The following CLMN variants were observed in gnomAD, a reference collection of about 807,000 sequenced individuals.
The protein encoded by CLMN is calmin, also known as calmin (calponin-like, transmembrane).
CLMN carries 57 observed loss-of-function variants against 92.7 expected under a neutral mutation model. That is an observed-to-expected ratio of 0.61 (90% CI 0.50 to 0.77). The LOEUF is 0.77. CLMN is among the 30% of genes least tolerant of loss of function. The pLI is 0.00. For synonymous variants in CLMN, 466 were observed against 470.6 expected, an observed-to-expected ratio of 0.99 and a Z score of 0.13; for missense variants, 1,158 against 1,237.5, an observed-to-expected ratio of 0.94 and a Z score of 0.96.
intron 1 of CLMN, among the ~76,000 whole-genome samples, chr14:95,273,108 G>A (rs567952893): frequency 1.1e-4 from 17 of 152,214 alleles, no homozygotes; most frequent in South Asian, 4.1e-4. Flanking sequence ...GCTGATCCAC[G>A]GACAGTGAGG....
At chr14:95,232,029 T>C (rs1897905025) in intron 1 of CLMN, among the ~76,000 whole-genome samples, 1 of 152,276 alleles carries the variant, frequency 6.6e-6, no homozygotes, top group Admixed American at 6.5e-5. Context: ...ATTTCTGTTT[T>C]ACAGATGAAG....
chr14:95,245,229 ATATATATATTAT>A, intron 1 of CLMN, among the ~76,000 whole-genome samples: 3 of 35,820 alleles, frequency 8.4e-5, no homozygotes, highest in African/African-American at 5.3e-4. Context: ...TATATATTAT[ATATATATATTAT>A]ATATATATAT....
At chr14:95,299,899 G>A (rs1392226861) in intron 1 of CLMN, among the ~76,000 whole-genome samples, 1 of 152,166 alleles carries the variant, frequency 6.6e-6, no homozygotes, top group Non-Finnish European at 1.5e-5. Context: ...CAGGAGTTTG[G>A]GGGGACCCAG....
At chr14:95,230,711 G>A (rs116327592) in intron 1 of CLMN, among the ~76,000 whole-genome samples, 2,515 of 152,316 alleles carry the variant, frequency 0.017, 62 homozygotes, top group African/African-American at 0.057. Flanking sequence ...AGGATGAGGA[G>A]CTCACTCTCC....
At position 95,194,565 on chromosome 14, in the gene CLMN, G is replaced by T. The variant is rs778660052; in HGVS notation, c.2740C>A (p.Arg914=). Residue 914 remains arginine, a synonymous_variant, in exon 11 of 13, where the codon CGA becomes AGA. Coordinates refer to ENST00000298912, the MANE Select transcript of CLMN (RefSeq NM_024734.4). The surrounding 1 kb of genome is among the most constrained non-coding windows in gnomAD (Gnocchi z 4.0). ...TCCGAAGACCTATGAGTATGTCGTC[G>T]AAGGTAAATGCTGGAGTCACTGTGA... ...TSHSDSSIYL[R]RHTHRSSESD... is the part of the protein sequence containing the mutation. 6.2e-7 allele frequency: 1 copy of T among 1,614,152 alleles called. No homozygotes were observed. The highest frequency in any genetic ancestry group is 1.1e-5 in the South Asian group (1 of 91,082).
At chr14:95,262,343 C>T (rs1052889117) in intron 1 of CLMN, among the ~76,000 whole-genome samples, 3 of 152,090 alleles carry the variant, frequency 2.0e-5, no homozygotes, top group African/African-American at 4.8e-5. Flanking sequence ...TTCCCAGTGA[C>T]CAGAGGACAA....
intron 9 of CLMN, among the ~76,000 whole-genome samples, chr14:95,202,494 G>T (rs1896912109): frequency 6.6e-6 from 1 of 152,154 alleles, no homozygotes; most frequent in Admixed American, 6.5e-5. Flanking sequence ...TTCAACCCTT[G>T]CCCTGTGACA....
intron 1 of CLMN, among the ~76,000 whole-genome samples, chr14:95,270,482 A>C (rs1051586905): frequency 4.6e-5 from 7 of 152,232 alleles, no homozygotes; most frequent in African/African-American, 1.7e-4. Context: ...AAACACTAAT[A>C]GACCTTCTAG....
Position 95,264,799 on chromosome 14 carries a change from G to A in CLMN, c.83-34666C>T, listed in dbSNP as rs115864426. On this transcript the variant is annotated intron_variant, in intron 1 of 12. Transcript: ENST00000298912. ...CTAAATCACACTTTGAAGGCTGGGC[G>A]CAGTGGCTCACACCTATAATCCCAG... Among the ~76,000 whole-genome samples the A allele has an allele frequency of 4.6e-3, 697 of 152,138 alleles. 4 individuals carry two copies. Among genetic ancestry groups the A allele is most frequent in the African/African-American group, 0.016 (661 of 41,480 alleles).
Position 95,203,646 on chromosome 14 carries a change from C to G in CLMN, c.1703G>C (p.Ser568Thr). Residue 568 changes from serine (S) to threonine (T), a missense_variant, in exon 9 of 13, where the codon AGC becomes ACC. Coordinates refer to ENST00000298912, the MANE Select transcript of CLMN (RefSeq NM_024734.4). ...GGTAGAAGCAAAATCTATTAGGTCGCTGTTAAATTTTGAGGCTTTTAATGG... is the reference window on the plus strand; with the variant it reads ...GGTAGAAGCAAAATCTATTAGGTCGGTGTTAAATTTTGAGGCTTTTAATGG... ...AIPLKASKFN[S>T]DLIDFASTSQ... 3 of 1,614,160 alleles carry G rather than the reference C, an allele frequency of 1.9e-6. No homozygotes were observed. The highest frequency in any genetic ancestry group is 2.5e-6 in the Non-Finnish European group (3 of 1,180,034).
intron 1 of CLMN, among the ~76,000 whole-genome samples, chr14:95,254,023 A>AT (rs763873743): frequency 6.6e-6 from 1 of 152,124 alleles, no homozygotes; most frequent in East Asian, 1.9e-4. Flanking sequence ...AATTCTACCC[A>AT]TGGGCAGATC....
At chr14:95,227,545 G>A (rs1030102192) in intron 2 of CLMN, among the ~76,000 whole-genome samples, 6 of 152,200 alleles carry the variant, frequency 3.9e-5, no homozygotes, top group Non-Finnish European at 5.9e-5. Flanking sequence ...TACCAGCCCC[G>A]GCCGTGGCCA....
At chr14:95,273,285 G>T (rs1387927040) in intron 1 of CLMN, among the ~76,000 whole-genome samples, 1 of 152,174 alleles carries the variant, frequency 6.6e-6, no homozygotes, top group Non-Finnish European at 1.5e-5. Flanking sequence ...GCTCTGGGGA[G>T]ATTCCTGCTC....
intron 1 of CLMN, among the ~76,000 whole-genome samples, chr14:95,290,915 T>A (rs895444043): frequency 6.6e-6 from 1 of 152,124 alleles, no homozygotes; most frequent in Non-Finnish European, 1.5e-5. Context: ...CGACGCAGAA[T>A]AACTAATAAT....
At chr14:95,242,237 CTTTTTTCTTTTTCTTT>C (rs1898271192) in intron 1 of CLMN, among the ~76,000 whole-genome samples, 1 of 113,546 alleles carries the variant, frequency 8.8e-6, no homozygotes, top group Non-Finnish European at 2.0e-5. Context: ...CATTTCTTTT[CTTTTTTCTTTTTCTTT>C]TTTTTTTTTT....
intron 9 of CLMN, among the ~76,000 whole-genome samples, chr14:95,197,853 T>C (rs934975647): frequency 4.6e-5 from 7 of 151,962 alleles, no homozygotes; most frequent in Non-Finnish European, 7.4e-5. Flanking sequence ...AGAACAAAGC[T>C]CCATGCAGGA....
intron 1 of CLMN, among the ~76,000 whole-genome samples, chr14:95,293,905 G>A (rs1045112400): frequency 6.6e-6 from 1 of 152,000 alleles, no homozygotes; most frequent in Non-Finnish European, 1.5e-5. Context: ...AGAAAACAAG[G>A]AAAAACTCCC....
In CLMN at chr14:95,183,296, C is replaced by T. The variant is rs540120579; in HGVS notation, c.*8268G>A. On this transcript the variant is annotated 3_prime_UTR_variant, in exon 13 of 13. Transcript: ENST00000298912. The stretch of plus-strand genomic sequence containing the variant: ...AATCCTTGCATGACATTTAGCAATA[C>T]TGGCATTCTGGCACAGCATGGGCTT... 2.0e-5 allele frequency: 3 copies of T among 152,356 alleles called. No homozygotes were observed. Among genetic ancestry groups the T allele is most frequent in the Non-Finnish European group, 4.4e-5 (3 of 68,040 alleles). 9.4% of individuals were successfully genotyped at this position (152,356 alleles called of 1,614,324 possible).
At chr14:95,272,207 G>C (rs1423774830) in intron 1 of CLMN, among the ~76,000 whole-genome samples, 1 of 152,202 alleles carries the variant, frequency 6.6e-6, no homozygotes, top group African/African-American at 2.4e-5. Context: ...TAGAAGGCTG[G>C]AGCAGGCTCT....
Sources: gnomAD v4.1 joint callset for allele counts (sites outside exome capture counted in the v4.1 genomes callset) on GRCh38, gnomAD v4.1.1 for gene constraint, Gnocchi (gnomAD v3.1) non-coding constraint, MANE v1.5 for transcripts, NCBI Gene and HGNC (gene_info 2026-07-23, HGNC 2026-07-21) for gene names.